The following HIVEP2 variants were observed in gnomAD, a reference collection of about 807,000 sequenced individuals.
The protein encoded by HIVEP2 is transcription factor HIVEP2.
HIVEP2 carries 14 observed loss-of-function variants against 180.7 expected under a neutral mutation model. That is an observed-to-expected ratio of 0.08 (90% CI 0.05 to 0.12). The LOEUF is 0.12. Ranked by LOEUF, HIVEP2 falls within the 10% of genes least tolerant of loss-of-function variation. The pLI is 1.00. For missense variants in HIVEP2, 2,579 were observed against 3,008.5 expected, an observed-to-expected ratio of 0.86 and a Z score of 3.34; for synonymous variants, 1,184 against 1,136.4, an observed-to-expected ratio of 1.04 and a Z score of -0.84.
chr6:142,929,155 A>G (rs1719021062), intron 1 of HIVEP2, among the ~76,000 whole-genome samples: 1 of 152,114 alleles, frequency 6.6e-6, no homozygotes, highest in African/African-American at 2.4e-5. Context: ...GTTCCTTCAA[A>G]TCATCTGCCA....
intron 2 of HIVEP2, among the ~76,000 whole-genome samples, chr6:142,804,319 G>A (rs1380658011): frequency 6.6e-6 from 1 of 152,110 alleles, no homozygotes; most frequent in African/African-American, 2.4e-5. Context: ...AAGACAGCAG[G>A]TAAGAGGTGG....
rs549323754 is a variant in HIVEP2, at chr6:142,834,524, A to G, written c.-528+2411T>C. Among the ~76,000 whole-genome samples the G allele has an allele frequency of 5.9e-5, 9 of 152,312 alleles. No individual in the cohort carries two copies. The South Asian group carries it at 1.9e-3, about 32-fold the overall frequency. On this transcript the variant is annotated intron_variant, in intron 2 of 9. Coordinates refer to ENST00000367603, the MANE Select transcript of HIVEP2 (RefSeq NM_006734.4). ...AATATATCCAATGTAGTGACAGCATATAAATCTGATCACCCATGTGTTTAA... is the reference window on the plus strand; with the variant it reads ...AATATATCCAATGTAGTGACAGCATGTAAATCTGATCACCCATGTGTTTAA...
chr6:142,919,163 A>C (rs761047181), intron 1 of HIVEP2, among the ~76,000 whole-genome samples: 1 of 152,188 alleles, frequency 6.6e-6, no homozygotes, highest in Non-Finnish European at 1.5e-5. Context: ...CAAAAACACA[A>C]GCAGAAAGAA....
intron 1 of HIVEP2, among the ~76,000 whole-genome samples, chr6:142,841,784 A>T (rs1775371445): frequency 1.3e-5 from 2 of 152,124 alleles, no homozygotes; most frequent in Non-Finnish European, 2.9e-5. Flanking sequence ...ACATTTTAAC[A>T]TTTATATTCA....
chr6:142,930,097 C>T (rs1401065084), intron 1 of HIVEP2, among the ~76,000 whole-genome samples: 1 of 152,172 alleles, frequency 6.6e-6, no homozygotes. Context: ...AGACTCTCTT[C>T]TTTCTGAGGT....
At chr6:142,817,075 T>C (rs1776861299) in intron 2 of HIVEP2, among the ~76,000 whole-genome samples, 1 of 152,196 alleles carries the variant, frequency 6.6e-6, no homozygotes, top group African/African-American at 2.4e-5. Flanking sequence ...CAGATAGGTA[T>C]GTTCTTCAAG....
chr6:142,807,244 C>T (rs1776577030), intron 2 of HIVEP2, among the ~76,000 whole-genome samples: 1 of 152,090 alleles, frequency 6.6e-6, no homozygotes, highest in African/African-American at 2.4e-5. Context: ...GACTGGAAGA[C>T]AGGTAAGCTG....
chr6:142,797,138 CCTAA>C (rs1156305338), intron 2 of HIVEP2, among the ~76,000 whole-genome samples: 1 of 151,940 alleles, frequency 6.6e-6, no homozygotes, highest in Non-Finnish European at 1.5e-5. Context: ...TCCTAACACA[CCTAA>C]CTTTTTCTTT....
At chr6:142,877,258 T>C (rs1339456115) in intron 1 of HIVEP2, among the ~76,000 whole-genome samples, 1 of 152,196 alleles carries the variant, frequency 6.6e-6, no homozygotes, top group African/African-American at 2.4e-5. Flanking sequence ...GAAGTACACA[T>C]ATATCTAGTT....
At chr6:142,785,325 A>T (rs907489539) in intron 2 of HIVEP2, among the ~76,000 whole-genome samples, 6 of 131,198 alleles carry the variant, frequency 4.6e-5, no homozygotes, top group African/African-American at 2.1e-4. Context: ...AAAAAAAAAA[A>T]AAAAAAAAAA....
intron 8 of HIVEP2, 27 bp downstream of exon 8, chr6:142,761,437 C>T (rs1775234166): frequency 8.8e-7 from 1 of 1,138,932 alleles, no homozygotes; most frequent in East Asian, 2.3e-5. Flanking sequence ...ATGAAGAGGT[C>T]TGTCAACTCA....
chr6:142,861,301 G>A (rs1775972286), intron 1 of HIVEP2, among the ~76,000 whole-genome samples: 1 of 152,142 alleles, frequency 6.6e-6, no homozygotes, highest in Non-Finnish European at 1.5e-5. Context: ...TCCCCTGTAT[G>A]ATTCATACAT....
At chr6:142,863,335 G>A (rs9496470) in intron 1 of HIVEP2, among the ~76,000 whole-genome samples, 38,699 of 151,288 alleles carry the variant, frequency 0.26, 5,347 homozygotes, top group South Asian at 0.35. Context: ...CAAATCTTTT[G>A]TATCTGCCTT....
intron 1 of HIVEP2, among the ~76,000 whole-genome samples, chr6:142,883,189 T>C (rs533084897): frequency 2.6e-4 from 40 of 152,044 alleles, no homozygotes; most frequent in South Asian, 1.2e-3. Context: ...GCTCTGCACA[T>C]GGAGAGAGAA....
intron 1 of HIVEP2, among the ~76,000 whole-genome samples, chr6:142,870,263 T>C (rs1429646349): frequency 6.6e-6 from 1 of 152,184 alleles, no homozygotes; most frequent in East Asian, 1.9e-4. Flanking sequence ...CCAGGAGGTC[T>C]GCTTCCTCAC....
intron 2 of HIVEP2, among the ~76,000 whole-genome samples, chr6:142,789,686 T>C (rs1776091730): frequency 6.6e-6 from 1 of 152,206 alleles, no homozygotes; most frequent in Non-Finnish European, 1.5e-5. Flanking sequence ...TCAATTATTT[T>C]CCATTATCCA....
At position 142,753,553 on chromosome 6, in the gene HIVEP2, G is replaced by A. The variant is rs541240672; in HGVS notation, c.6895C>T (p.Pro2299Ser). 4 of 1,614,184 alleles carry A rather than the reference G, an allele frequency of 2.5e-6. No individual in the cohort carries two copies. In the South Asian group the frequency reaches 3.3e-5, roughly 13 times the overall value. The change falls in exon 10 of 10, where the codon CCC (proline) becomes TCC (serine). Residue 2299 changes from proline (P) to serine (S), a missense_variant. Physicochemically the swap from Pro to Ser is moderately conservative, Grantham distance 74 (BLOSUM62 -1). Coordinates refer to ENST00000367603, the MANE Select transcript of HIVEP2 (RefSeq NM_006734.4). Reference protein sequence around the residue: ...ALQSSGPPSTPSSPRLLMKQS... With the variant: ...ALQSSGPPSTSSSPRLLMKQS... ...TTCATCAACAGCCGAGGAGAGGAGG[G>A]AGTGCTAGGTGGACCAGATGACTGC...
At chr6:142,941,246 G>A (rs1280082743) in intron 1 of HIVEP2, among the ~76,000 whole-genome samples, 4 of 152,120 alleles carry the variant, frequency 2.6e-5, no homozygotes, top group African/African-American at 9.7e-5. Context: ...CACAGACTAA[G>A]AAACCTGTGT....
chr6:142,921,855 C>CA (rs1777690257), intron 1 of HIVEP2, among the ~76,000 whole-genome samples: 2 of 152,166 alleles, frequency 1.3e-5, no homozygotes, highest in South Asian at 4.1e-4. Flanking sequence ...TCCAAAAAAT[C>CA]AAAGCTTAAA....
Sources: allele counts gnomAD v4.1 joint callset (sites outside exome capture counted in the v4.1 genomes callset), GRCh38; gene constraint gnomAD v4.1.1; transcripts MANE v1.5; gene names NCBI Gene and HGNC (gene_info 2026-07-23, HGNC 2026-07-21).